Variants in ACYP2 observed in about 807,000 individuals in gnomAD.
ACYP2 encodes the protein acylphosphatase-2.
In ACYP2, 12 loss-of-function variants were observed where a neutral mutation model predicts 11.2. The ratio of observed to expected loss-of-function variants is 1.08; its 90% CI spans 0.69 to 1.74. ACYP2 has a LOEUF of 1.74. Ranked by LOEUF, ACYP2 falls within the 40% of genes most tolerant of loss-of-function variation. The pLI is 0.00. For missense variants in ACYP2, 134 were observed against 101.9 expected (o/e 1.31, Z -1.35); for synonymous variants, 43 against 32.2 (o/e 1.33, Z -1.13).
intron 5 of ACYP2, among the ~76,000 whole-genome samples, chr2:54,138,299 A>T (rs1300499988): frequency 2.0e-5 from 3 of 152,158 alleles, no homozygotes; most frequent in Non-Finnish European, 4.4e-5. Context: ...TAACAATGTA[A>T]TTTAGTGTTA....
intron 6 of ACYP2, among the ~76,000 whole-genome samples, chr2:54,179,235 G>T (rs1016938922): frequency 3.3e-4 from 46 of 140,316 alleles, no homozygotes; most frequent in African/African-American, 1.1e-3. Context: ...AATGTAGGTG[G>T]TGTGAGGGGT....
intron 4 of ACYP2, among the ~76,000 whole-genome samples, chr2:54,094,317 T>C (rs1027031526): frequency 6.6e-6 from 1 of 151,312 alleles, no homozygotes; most frequent in Non-Finnish European, 1.5e-5. Context: ...AAACTTCGCC[T>C]CCCAGGTTCA....
At chr2:54,115,248 T>G (rs757159892) in intron 4 of ACYP2, among the ~76,000 whole-genome samples, 1 of 152,242 alleles carries the variant, frequency 6.6e-6, no homozygotes, top group Non-Finnish European at 1.5e-5. Context: ...CATTTCACAA[T>G]GCATACATAT....
chr2:53,993,387 A>G (rs915796671), intron 2 of ACYP2, among the ~76,000 whole-genome samples: 4 of 152,096 alleles, frequency 2.6e-5, no homozygotes, highest in East Asian at 3.9e-4. Flanking sequence ...GAAGAAAAAA[A>G]AAGTACAGGT....
intron 4 of ACYP2, among the ~76,000 whole-genome samples, chr2:54,104,279 G>T (rs995396555): frequency 6.6e-6 from 1 of 152,156 alleles, no homozygotes; most frequent in African/African-American, 2.4e-5. Flanking sequence ...GATGAGAAAA[G>T]AAAGTATTCT....
chr2:54,047,791 T>C (rs891118107), intron 2 of ACYP2, among the ~76,000 whole-genome samples: 4 of 152,260 alleles, frequency 2.6e-5, no homozygotes, highest in South Asian at 4.1e-4. Flanking sequence ...AAAAAGGTTG[T>C]AATACATTAA....
chr2:54,251,025 G>A (rs535139763), intron 6 of ACYP2, among the ~76,000 whole-genome samples: 2 of 152,272 alleles, frequency 1.3e-5, no homozygotes, highest in East Asian at 1.9e-4. Flanking sequence ...CTGTTGAACA[G>A]CATAAAAAAT....
intron 2 of ACYP2, among the ~76,000 whole-genome samples, chr2:53,976,455 C>G (rs1358284848): frequency 4.6e-5 from 7 of 152,176 alleles, no homozygotes; most frequent in African/African-American, 1.7e-4. Flanking sequence ...AATCTGCCCG[C>G]CTCAGCCTCC....
chr2:54,141,552 C>T (rs760865735), intron 6 of ACYP2, among the ~76,000 whole-genome samples: 13 of 152,198 alleles, frequency 8.5e-5, no homozygotes, highest in Admixed American at 1.3e-4. Context: ...TTTTGTCATA[C>T]GTTAAAATCT....
At chr2:54,223,510 G>A (rs1685884752) in intron 6 of ACYP2, among the ~76,000 whole-genome samples, 1 of 152,072 alleles carries the variant, frequency 6.6e-6, no homozygotes, top group African/African-American at 2.4e-5. Context: ...AACTTGATAT[G>A]TTTATGAGCC....
intron 6 of ACYP2, among the ~76,000 whole-genome samples, chr2:54,251,616 ATG>A (rs71930345): frequency 0.013 from 2,049 of 152,234 alleles, 56 homozygotes; most frequent in African/African-American, 0.047. Context: ...CAATTCTCCC[ATG>A]TGTCTCATGT....
chr2:54,302,906 C>A (rs1055140384), intron 6 of ACYP2, among the ~76,000 whole-genome samples: 2 of 152,218 alleles, frequency 1.3e-5, no homozygotes, highest in Non-Finnish European at 2.9e-5. Context: ...ATCCTCCTGA[C>A]AACCACTCTG....
chr2:54,249,792 A>G (rs1425640949), intron 6 of ACYP2, among the ~76,000 whole-genome samples: 1 of 151,874 alleles, frequency 6.6e-6, no homozygotes, highest in Non-Finnish European at 1.5e-5. Flanking sequence ...AAAAATAAAT[A>G]AATTAGCTGG....
chr2:54,195,820 CA>C (rs1379963161), intron 6 of ACYP2, among the ~76,000 whole-genome samples: 1 of 24,818 alleles, frequency 4.0e-5, no homozygotes, highest in East Asian at 1.7e-3. Context: ...TTTTTTGAGA[CA>C]GAGTTTTGTT....
chr2:53,981,001 C>T (rs1242792420), intron 2 of ACYP2, among the ~76,000 whole-genome samples: 1 of 152,190 alleles, frequency 6.6e-6, no homozygotes, highest in East Asian at 1.9e-4. Context: ...ATTCACCCAC[C>T]TCCACCTCAT....
Position 54,305,019 on chromosome 2 carries a change from T to C in ACYP2, c.*217T>C, listed in dbSNP as rs1286843609. On this transcript the variant is annotated 3_prime_UTR_variant, in exon 7 of 7. Transcript: ENST00000607452. The stretch of plus-strand genomic sequence containing the variant: ...ATAGTATTCTAAGATTAAAATGTCA[T>C]TACAAAATATTTAGTGTGAACATTT... 2.9e-6 allele frequency: 1 copy of C among 341,200 alleles called. No individual in the cohort carries two copies. Among genetic ancestry groups the C allele is most frequent in the Non-Finnish European group, 5.3e-6 (1 of 190,156 alleles). The allele number at this position is 341,200 out of a possible 1,614,324, so 21.1% of individuals were successfully genotyped here. A position where few individuals can be genotyped will look rare whatever the true frequency, so the allele number is the denominator to read the frequency against.
chr2:53,975,245 G>A (rs895962835), intron 2 of ACYP2: 1 of 396,454 alleles, frequency 2.5e-6, no homozygotes, highest in Non-Finnish European at 4.4e-6. Flanking sequence ...AAAAAATTCA[G>A]AGAAGCAGTT....
chr2:54,195,138 G>T (rs1558603008), intron 6 of ACYP2, among the ~76,000 whole-genome samples: 1 of 152,128 alleles, frequency 6.6e-6, no homozygotes, highest in Non-Finnish European at 1.5e-5. Context: ...TCTGCCTACA[G>T]GGTGTTTCTC....
rs538522720 is a variant in ACYP2 at position 54,135,694 on chromosome 2, A to G, written c.294+225A>G. ...ATTTACTTAACATTTTCTATATTCAAAAGTACCTCTCTTTGGGTGATTTTA... is the reference window on the plus strand; with the variant it reads ...ATTTACTTAACATTTTCTATATTCAGAAGTACCTCTCTTTGGGTGATTTTA... On this transcript the variant is annotated intron_variant, in intron 5 of 6. Transcript: ENST00000607452. Among the ~76,000 whole-genome samples, 11 of 152,294 alleles carry G rather than the reference A, an allele frequency of 7.2e-5. No individual in the cohort carries two copies. In the East Asian group the frequency reaches 2.1e-3, roughly 29 times the overall value.
Sources: gnomAD v4.1 joint callset for allele counts (sites outside exome capture counted in the v4.1 genomes callset) on GRCh38, gnomAD v4.1.1 for gene constraint, MANE v1.5 for transcripts, NCBI Gene and HGNC (gene_info 2026-07-23, HGNC 2026-07-21) for gene names.